The following SLC8A1 variants were observed in gnomAD, a reference collection of about 807,000 sequenced individuals.
The protein encoded by SLC8A1 is solute carrier family 8 member A1.
Under a neutral mutation model 68.3 loss-of-function variants are expected in SLC8A1, and 18 were observed. The ratio of observed to expected loss-of-function variants is 0.26; its 90% confidence interval spans 0.18 to 0.39. The LOEUF (loss-of-function observed/expected upper bound fraction) is 0.39, where lower values mean the gene tolerates loss of function less well. Ranked by LOEUF, SLC8A1 falls within the 10% of genes least tolerant of loss-of-function variation. The probability of loss-of-function intolerance (pLI) is 1.00; values close to 1 mark genes in which losing one functional copy is unlikely to be tolerated. For missense variants in SLC8A1, 985 were observed against 1,156.7 expected (o/e 0.85, Z 2.15); for synonymous variants, 475 against 415.5 (o/e 1.14, Z -1.74).
chr2:40,369,148 A>T (rs761725155), intron 2 of SLC8A1, among the ~76,000 whole-genome samples: 9 of 152,112 alleles, frequency 5.9e-5, no homozygotes, highest in Non-Finnish European at 1.3e-4. Context: ...AATGACAAAG[A>T]TGCCAAAAGA....
chr2:40,174,982 A>T, intron 3 of SLC8A1, 140 bp from the exon 5 acceptor site: 1 of 814,732 alleles, frequency 1.2e-6, no homozygotes. Flanking sequence ...GAAAATGTTC[A>T]TGACTGAATC....
intron 2 of SLC8A1, among the ~76,000 whole-genome samples, chr2:40,199,536 C>G (rs2053736722): frequency 6.6e-6 from 1 of 151,256 alleles, no homozygotes; most frequent in Admixed American, 6.6e-5. Flanking sequence ...AATACTAGAT[C>G]AAAAAGGAAG....
chr2:40,199,915 G>C (rs890222529), intron 2 of SLC8A1, among the ~76,000 whole-genome samples: 1 of 151,218 alleles, frequency 6.6e-6, no homozygotes, highest in African/African-American at 2.4e-5. Flanking sequence ...CATCCTGATA[G>C]AGATTGACAC....
At chr2:40,172,112 A>G (rs1440679955) in intron 4 of SLC8A1, among the ~76,000 whole-genome samples, 2 of 152,230 alleles carry the variant, frequency 1.3e-5, no homozygotes, top group Non-Finnish European at 2.9e-5. Context: ...CAAAGCCTTG[A>G]CTTTAAAGCC....
chr2:40,384,753 A>G (rs990899321), intron 2 of SLC8A1, among the ~76,000 whole-genome samples: 5 of 152,134 alleles, frequency 3.3e-5, no homozygotes, highest in African/African-American at 1.2e-4. Context: ...TTAAAAACCT[A>G]ATTTCTCATT....
chr2:40,452,858 T>C (rs962705872), upstream of SLC8A1, among the ~76,000 whole-genome samples: 1 of 151,722 alleles, frequency 6.6e-6, no homozygotes, highest in Admixed American at 6.6e-5. Flanking sequence ...AGACCCAGAG[T>C]CTGTTTCGTG....
chr2:40,176,019 G>C (rs1221827019), intron 3 of SLC8A1: 1 of 445,372 alleles, frequency 2.2e-6, no homozygotes, highest in Non-Finnish European at 4.5e-6. Flanking sequence ...AAACTGACAG[G>C]GCATTGGGTT....
intron 2 of SLC8A1, among the ~76,000 whole-genome samples, chr2:40,200,551 G>C (rs2054164619): frequency 6.6e-6 from 1 of 151,160 alleles, no homozygotes; most frequent in Non-Finnish European, 1.5e-5. Context: ...TGGAAGCTTA[G>C]TCCCTCTTAG....
Position 40,430,351 on chromosome 2 carries a change from T to C in SLC8A1, c.-24-47A>G, listed in dbSNP as rs1698002902. On this transcript the variant is annotated intron_variant, in intron 1 of 7. Coordinates refer to ENST00000406785, the Ensembl canonical transcript of SLC8A1. ...AGAGGGCAGAAAAAAAGTCATGTCATTAGAGCTGCAGCCAAAGCATTACTA... is the reference window on the plus strand; with the variant it reads ...AGAGGGCAGAAAAAAAGTCATGTCACTAGAGCTGCAGCCAAAGCATTACTA... 56 of 1,505,064 alleles carry C rather than the reference T, an allele frequency of 3.7e-5. 4 individuals carry two copies. The South Asian group carries it at 7.3e-4, about 20-fold the overall frequency. 93.2% of individuals were successfully genotyped at this position (1,505,064 alleles called of 1,614,324 possible).
At chr2:40,323,634 T>C (rs1035337036) in intron 2 of SLC8A1, among the ~76,000 whole-genome samples, 8 of 152,056 alleles carry the variant, frequency 5.3e-5, no homozygotes, top group Non-Finnish European at 1.0e-4. Context: ...TAAAGAAGCA[T>C]ATGACCCAAA....
At chr2:40,499,004 A>G (rs973597688) in intron 1 of SLC8A1, among the ~76,000 whole-genome samples, 1 of 152,116 alleles carries the variant, frequency 6.6e-6, no homozygotes, top group Non-Finnish European at 1.5e-5. Context: ...AGGCACTGAT[A>G]TAAGCCAGAA....
exon 2 of SLC8A1, chr2:40,428,931 T>A: frequency 6.2e-7 from 1 of 1,613,892 alleles, no homozygotes; most frequent in East Asian, 2.2e-5. Context: ...CAGCATTTGC[T>A]GTGCCATCCT....
intron 2 of SLC8A1, among the ~76,000 whole-genome samples, chr2:40,284,437 C>T (rs1041579875): frequency 7.1e-6 from 1 of 141,326 alleles, no homozygotes; most frequent in Non-Finnish European, 1.5e-5. Flanking sequence ...ATCTATATAT[C>T]TATATATAAA....
At chr2:40,145,635 G>A (rs4952491) in intron 6 of SLC8A1, among the ~76,000 whole-genome samples, 49,017 of 151,974 alleles carry the variant, frequency 0.32, 8,396 homozygotes, top group African/African-American at 0.43. Flanking sequence ...TGAGAGAATC[G>A]TAAAGAATAA....
chr2:40,257,203 T>C (rs115435666), intron 2 of SLC8A1, among the ~76,000 whole-genome samples: 1,595 of 152,190 alleles, frequency 0.01, 37 homozygotes, highest in African/African-American at 0.036. Flanking sequence ...TCTTAGCTCA[T>C]TGGAAAAAAG....
intron 7 of SLC8A1, among the ~76,000 whole-genome samples, chr2:40,133,925 C>T (rs1438686930): frequency 6.6e-6 from 1 of 151,980 alleles, no homozygotes; most frequent in Non-Finnish European, 1.5e-5. Context: ...GGCCCTTAGT[C>T]CAAAAAAAGG....
At position 40,395,074 on chromosome 2, in the gene SLC8A1, C is replaced by T. The variant is rs530650843; in HGVS notation, c.1808+33399G>A. Among the ~76,000 whole-genome samples the T allele has an allele frequency of 2.6e-5, 4 of 152,264 alleles. No individual in the cohort carries two copies. In the East Asian group the frequency reaches 7.7e-4, roughly 29 times the overall value. ...TAACAGACCACTGATGTCCAGAAAACAGGGACTAACTAGACAGTGCTCTTT... is the reference window on the plus strand; with the variant it reads ...TAACAGACCACTGATGTCCAGAAAATAGGGACTAACTAGACAGTGCTCTTT... On this transcript the variant is annotated intron_variant, in intron 2 of 7. Transcript: ENST00000406785.
intron 1 of SLC8A1, among the ~76,000 whole-genome samples, chr2:40,477,737 T>C (rs1206334261): frequency 6.6e-6 from 1 of 152,134 alleles, no homozygotes; most frequent in Non-Finnish European, 1.5e-5. Context: ...TGTGTGCCTG[T>C]GCGTAGTGTG....
chr2:40,182,901 A>G (rs1287414483), intron 2 of SLC8A1, among the ~76,000 whole-genome samples: 2 of 152,196 alleles, frequency 1.3e-5, no homozygotes, highest in Non-Finnish European at 2.9e-5. Flanking sequence ...GAAGATCAGG[A>G]AAGGATGAAA....
Sources: gnomAD v4.1 joint callset for allele counts (sites outside exome capture counted in the v4.1 genomes callset) on GRCh38, gnomAD v4.1.1 for gene constraint, MANE v1.5 for transcripts, NCBI Gene and HGNC (gene_info 2026-07-23, HGNC 2026-07-21) for gene names.